Variants in CSMD1 observed in about 807,000 individuals in gnomAD.
CSMD1 encodes CUB and Sushi multiple domains 1.
Under a neutral mutation model 417.5 loss-of-function variants are expected in CSMD1, and 213 were observed. The observed-to-expected ratio is 0.51, with a 90% CI of 0.46 to 0.57. The LOEUF (loss-of-function observed/expected upper bound fraction) is 0.57. Among genes scored for constraint, CSMD1 ranks in the 20% least tolerant of loss-of-function variants. CSMD1 has a pLI of 0.00. For synonymous variants in CSMD1, 2,862 were observed against 1,736.8 expected (o/e 1.65, Z -16.11); for missense variants, 6,923 against 4,529.7 (o/e 1.53, Z -15.17).
At chr8:4,915,447 T>C (rs1383230568) in intron 1 of CSMD1, among the ~76,000 whole-genome samples, 2 of 152,220 alleles carry the variant, frequency 1.3e-5, no homozygotes, top group Non-Finnish European at 2.9e-5. Context: ...GGAAACCACA[T>C]ATCTGCGTAC....
intron 49 of CSMD1, among the ~76,000 whole-genome samples, chr8:3,067,149 G>A (rs1812988527): frequency 6.6e-6 from 1 of 152,004 alleles, no homozygotes; most frequent in African/African-American, 2.4e-5. Flanking sequence ...TGCACCTCTC[G>A]ACCTGTCTGA....
intron 3 of CSMD1, among the ~76,000 whole-genome samples, chr8:4,070,215 C>G (rs1375105611): frequency 4.6e-5 from 7 of 151,864 alleles, no homozygotes; most frequent in African/African-American, 7.3e-5. Context: ...TGTTTCTTGT[C>G]TTTTCTTTTT....
intron 3 of CSMD1, among the ~76,000 whole-genome samples, chr8:4,152,952 A>C (rs1177590344): frequency 6.6e-6 from 1 of 152,158 alleles, no homozygotes; most frequent in Non-Finnish European, 1.5e-5. Flanking sequence ...AAATCTTAGA[A>C]ATGGTATTTG....
At chr8:4,098,674 G>A (rs535400556) in intron 3 of CSMD1, among the ~76,000 whole-genome samples, 6 of 152,210 alleles carry the variant, frequency 3.9e-5, no homozygotes, top group South Asian at 2.1e-4. Context: ...ACTGTCTTAC[G>A]GCAAATAAAG....
intron 21 of CSMD1, among the ~76,000 whole-genome samples, chr8:3,352,863 C>G (rs1056173760): frequency 2.6e-5 from 4 of 151,860 alleles, no homozygotes; most frequent in African/African-American, 4.8e-5. Context: ...AACAAAGAAA[C>G]AAACAAACAA....
intron 5 of CSMD1, among the ~76,000 whole-genome samples, chr8:3,883,320 C>T (rs1806330172): frequency 6.6e-6 from 1 of 152,040 alleles, no homozygotes; most frequent in South Asian, 2.1e-4. Flanking sequence ...TAATATAATA[C>T]ACACAATGTC....
chr8:3,976,510 G>C (rs891161562), intron 5 of CSMD1, among the ~76,000 whole-genome samples: 11 of 152,248 alleles, frequency 7.2e-5, no homozygotes, highest in African/African-American at 1.9e-4. Flanking sequence ...ATAAATATTT[G>C]TTGAATAGTC....
Position 3,523,904 on chromosome 8 carries a change from C to G in CSMD1, c.1345-30178G>C, listed in dbSNP as rs548672295. On this transcript the variant is annotated intron_variant, in intron 10 of 69. Coordinates refer to ENST00000635120, the MANE Select transcript of CSMD1 (RefSeq NM_033225.6). Reference sequence around the variant, plus strand: ...ACACATGCACAGAGACATATGCACACATGTACACGCACACACACATATGCA... The same window carrying G: ...ACACATGCACAGAGACATATGCACAGATGTACACGCACACACACATATGCA... 2.1e-3 allele frequency among the ~76,000 whole-genome samples: 318 copies of G among 151,040 alleles called. 3 individuals carry two copies. The highest frequency in any genetic ancestry group is 7.6e-3 in the African/African-American group (311 of 41,026).
chr8:4,218,391 C>G (rs1800812048), intron 3 of CSMD1, among the ~76,000 whole-genome samples: 1 of 152,162 alleles, frequency 6.6e-6, no homozygotes, highest in Non-Finnish European at 1.5e-5. Flanking sequence ...AAACTTTTCT[C>G]TATCTCAACT....
chr8:4,310,296 C>G (rs1038314668), intron 3 of CSMD1, among the ~76,000 whole-genome samples: 1 of 152,066 alleles, frequency 6.6e-6, no homozygotes, highest in Non-Finnish European at 1.5e-5. Flanking sequence ...AGCTGAAATT[C>G]TTATGGGTGG....
At chr8:3,360,235 T>C (rs62504814) in intron 20 of CSMD1, among the ~76,000 whole-genome samples, 10,109 of 152,284 alleles carry the variant, frequency 0.066, 349 homozygotes, top group Middle Eastern at 0.092. Context: ...AAGAAGGAAG[T>C]GCTAAATATA....
chr8:3,624,424 A>G (rs923540233), intron 7 of CSMD1, among the ~76,000 whole-genome samples: 29 of 152,240 alleles, frequency 1.9e-4, no homozygotes, highest in African/African-American at 6.3e-4. Flanking sequence ...AAATAAACCA[A>G]TATAAGAGCC....
At chr8:4,430,962 T>C (rs1179391744) in intron 2 of CSMD1, among the ~76,000 whole-genome samples, 1 of 152,222 alleles carries the variant, frequency 6.6e-6, no homozygotes, top group Non-Finnish European at 1.5e-5. Context: ...TATATCAAGA[T>C]GTCCTTTCAA....
Position 4,361,560 on chromosome 8 carries a change from A to C in CSMD1, c.415+58393T>G, listed in dbSNP as rs188144721. ...GTCCTACAAAGTTAAAAAGTCGTAG[A>C]GTTCAAGTTTGTTCCTCTGTGAAAC... On this transcript the variant is annotated intron_variant, in intron 3 of 69. Transcript: ENST00000635120. 7.3e-4 allele frequency among the ~76,000 whole-genome samples: 111 copies of C among 152,312 alleles called. No homozygotes were observed. In the East Asian group the frequency reaches 0.019, roughly 26 times the overall value.
At chr8:3,849,130 G>A (rs1803706565) in intron 5 of CSMD1, among the ~76,000 whole-genome samples, 1 of 152,102 alleles carries the variant, frequency 6.6e-6, no homozygotes, top group Admixed American at 6.6e-5. Context: ...GAAAGACAAG[G>A]AAGCCTAGGA....
intron 2 of CSMD1, among the ~76,000 whole-genome samples, chr8:4,558,836 C>G (rs1339984921): frequency 6.6e-6 from 1 of 151,896 alleles, no homozygotes; most frequent in Non-Finnish European, 1.5e-5. Context: ...CCACTGCACT[C>G]CAGACTGGGC....
intron 3 of CSMD1, among the ~76,000 whole-genome samples, chr8:4,047,654 T>A (rs150768435): frequency 1.3e-5 from 2 of 152,258 alleles, no homozygotes; most frequent in East Asian, 1.9e-4. Flanking sequence ...GTGAGTATAT[T>A]TGGGGCATGC....
At chr8:4,205,129 C>T (rs866769224) in intron 3 of CSMD1, among the ~76,000 whole-genome samples, 2 of 152,156 alleles carry the variant, frequency 1.3e-5, no homozygotes. Flanking sequence ...ACACATTTAT[C>T]TCAACTCTGT....
chr8:4,469,891 G>A (rs1028176747), intron 2 of CSMD1, among the ~76,000 whole-genome samples: 17 of 151,036 alleles, frequency 1.1e-4, no homozygotes, highest in Non-Finnish European at 1.9e-4. Flanking sequence ...TATTTGAGAC[G>A]GAGTGTCGCT....
Sources: gnomAD v4.1 joint callset for allele counts (sites outside exome capture counted in the v4.1 genomes callset) on GRCh38, gnomAD v4.1.1 for gene constraint, MANE v1.5 for transcripts, NCBI Gene and HGNC (gene_info 2026-07-23, HGNC 2026-07-21) for gene names.